The following TEX15 variants were observed in gnomAD, a reference collection of about 807,000 sequenced individuals.
TEX15 encodes the protein testis expressed 15, meiosis and synapsis associated, also known as testis-expressed protein 15.
TEX15 carries 171 observed loss-of-function variants against 237.3 expected under a neutral mutation model. That is an observed-to-expected ratio of 0.72 (90% CI 0.64 to 0.82). TEX15 has a LOEUF of 0.82. Among genes scored for constraint, TEX15 ranks in the 40% least tolerant of loss-of-function variants. The probability of loss-of-function intolerance (pLI) is 0.00; values close to 1 mark genes in which losing one functional copy is unlikely to be tolerated. For missense variants in TEX15, 3,750 were observed against 3,646.5 expected (o/e 1.03, Z -0.73); for synonymous variants, 1,338 against 1,269.8 (o/e 1.05, Z -1.14).
At chr8:30,890,398 A>G (rs909478174) in intron 2 of TEX15, 1 of 152,224 alleles carries the variant, frequency 6.6e-6, no homozygotes, top group African/African-American at 2.4e-5. Flanking sequence ...GAAATTCAAT[A>G]AAAGTAAAAA....
intron 3 of TEX15, among the ~76,000 whole-genome samples, chr8:30,882,286 AATTT>A (rs137981754): frequency 0.018 from 2,732 of 151,958 alleles, 94 homozygotes; most frequent in African/African-American, 0.063. Context: ...GTATGATTTC[AATTT>A]ATTTATTTAT....
In TEX15 at chr8:30,846,749, T is replaced by A; in HGVS notation, c.3418A>T (p.Thr1140Ser). The change falls in exon 8 of 11, where the codon ACA becomes TCA. Residue 1140 changes from threonine to serine, a missense_variant. By Grantham distance (58) the Thr-to-Ser change is moderately conservative. Coordinates refer to ENST00000643185, the MANE Select transcript of TEX15 (RefSeq NM_001350162.2). Reference protein sequence around the residue: ...SKESNYFYSSTQNNETELTSP... With the variant: ...SKESNYFYSSSQNNETELTSP... Reference sequence around the variant, plus strand: ...GTAAGTTCTGTTTCATTGTTTTGTGTAGAGGAATAAAAATAGTTACTTTCC... The same window carrying A: ...GTAAGTTCTGTTTCATTGTTTTGTGAAGAGGAATAAAAATAGTTACTTTCC... 1 of 1,613,874 alleles carries A rather than the reference T, an allele frequency of 6.2e-7. No homozygotes were observed. Among genetic ancestry groups the A allele is most frequent in the Non-Finnish European group, 8.5e-7 (1 of 1,179,808 alleles).
In TEX15 at chr8:30,844,786, T is replaced by C. The variant is rs1181797122; in HGVS notation, c.5381A>G (p.Asp1794Gly). Residue 1794 changes from aspartate to glycine, a missense_variant, in exon 8 of 11, where the codon GAT (aspartate) becomes GGT (glycine). Asp to Gly is a moderately conservative substitution (Grantham distance 94, BLOSUM62 -1). Coordinates refer to ENST00000643185, the MANE Select transcript of TEX15 (RefSeq NM_001350162.2). Reference protein sequence around the residue: ...ETNVTENYELDVASGTEEDKS... With the variant: ...ETNVTENYELGVASGTEEDKS... Reference sequence around the variant, plus strand: ...ATCTTCTTCAGTTCCTGATGCTACATCCAACTCATAATTCTCAGTGACATT... The same window carrying C: ...ATCTTCTTCAGTTCCTGATGCTACACCCAACTCATAATTCTCAGTGACATT... The C allele has an allele frequency of 1.2e-6, 2 of 1,613,392 alleles. No homozygotes were observed. Among genetic ancestry groups the C allele is most frequent in the Non-Finnish European group, 1.7e-6 (2 of 1,179,604 alleles).
intron 2 of TEX15, among the ~76,000 whole-genome samples, chr8:30,894,664 G>T (rs1366319689): frequency 6.6e-6 from 1 of 152,188 alleles, no homozygotes; most frequent in Non-Finnish European, 1.5e-5. Flanking sequence ...ATGTGCAAAA[G>T]AATGAAGTTG....
rs181228171 is a variant in TEX15 at position 30,846,380 on chromosome 8, T to C, written c.3787A>G (p.Thr1263Ala). The change falls in exon 8 of 11, where the codon ACT becomes GCT. Residue 1263 changes from threonine to alanine, a missense_variant. Transcript: ENST00000643185. Reference protein sequence around the residue: ...SENQNSESLFTEPSNVTTIDD... With the variant: ...SENQNSESLFAEPSNVTTIDD... ...ATTGTTGTGACATTAGAAGGTTCAGTAAACAAAGATTCACTGTTCTGATTT... is the reference window on the plus strand; with the variant it reads ...ATTGTTGTGACATTAGAAGGTTCAGCAAACAAAGATTCACTGTTCTGATTT... 1.2e-6 allele frequency: 2 copies of C among 1,613,382 alleles called. No homozygotes were observed. The highest frequency in any genetic ancestry group is 2.2e-5 in the East Asian group (1 of 44,864).
chr8:30,846,166 T>C lies in TEX15; in HGVS notation c.4001A>G (p.Asp1334Gly), dbSNP rs1159035987. 5.0e-6 allele frequency: 8 copies of C among 1,613,400 alleles called. No homozygotes were observed. Among genetic ancestry groups the C allele is most frequent in the Non-Finnish European group, 5.9e-6 (7 of 1,179,610 alleles). The part of the protein sequence containing the change: ...YGRKRRLTSQ[D>G]SSECFSSLSQ... ...TAATGAAGAGAAACACTCAGATGAGTCTTGACTGGTTAGCCTCCTCTTTCT... is the reference window on the plus strand; with the variant it reads ...TAATGAAGAGAAACACTCAGATGAGCCTTGACTGGTTAGCCTCCTCTTTCT... Residue 1334 changes from aspartate (D) to glycine (G), a missense_variant, in exon 8 of 11, where the codon GAC becomes GGC. Transcript: ENST00000643185.
Position 30,837,424 on chromosome 8 carries a change from G to C in TEX15, c.8860C>G (p.Leu2954Val), listed in dbSNP as rs115952045. 5.9e-4 allele frequency: 945 copies of C among 1,614,162 alleles called. 11 individuals are homozygous for C. The African/African-American group carries it at 0.011, about 19-fold the overall frequency. Residue 2954 changes from leucine to valine, a missense_variant, in exon 10 of 11, where the codon CTA becomes GTA. Coordinates refer to ENST00000643185, the MANE Select transcript of TEX15 (RefSeq NM_001350162.2). ...TCTGACTCAGTTTCTGTAGGCTGTAGTTTGTTTATCTGCAGAGTAGGAATT... is the reference window on the plus strand; with the variant it reads ...TCTGACTCAGTTTCTGTAGGCTGTACTTTGTTTATCTGCAGAGTAGGAATT... ...NKIPTLQINKLQPTETESEDK... is the reference protein window; with the variant it reads ...NKIPTLQINKVQPTETESEDK...
intron 1 of TEX15, among the ~76,000 whole-genome samples, chr8:30,906,610 A>AG (rs1295495460): frequency 4.6e-5 from 7 of 151,450 alleles, no homozygotes; most frequent in Non-Finnish European, 7.4e-5. Flanking sequence ...AAAAAAAAAA[A>AG]AGAGAGAGAG....
At chr8:30,885,100 T>C (rs112711375) in intron 3 of TEX15, among the ~76,000 whole-genome samples, 1,972 of 152,288 alleles carry the variant, frequency 0.013, 46 homozygotes, top group African/African-American at 0.045. Context: ...GTGTGCTGTT[T>C]AATCTCAAAG....
chr8:30,852,100 C>CTT (rs910989172), intron 7 of TEX15, among the ~76,000 whole-genome samples: 8,050 of 90,308 alleles, frequency 0.089, 2,698 homozygotes, highest in African/African-American at 0.34. Flanking sequence ...TTAATTTAAT[C>CTT]TTTTTTTTTT....
At chr8:30,895,806 A>G (rs1808894257) in intron 2 of TEX15, among the ~76,000 whole-genome samples, 1 of 147,034 alleles carries the variant, frequency 6.8e-6, no homozygotes, top group Non-Finnish European at 1.5e-5. Context: ...TCAGCCTCCC[A>G]AGTAGCTGGG....
intron 3 of TEX15, among the ~76,000 whole-genome samples, chr8:30,875,511 A>G (rs1207064351): frequency 6.6e-6 from 1 of 152,240 alleles, no homozygotes; most frequent in Non-Finnish European, 1.5e-5. Flanking sequence ...TTTGATTTGC[A>G]AAAGTACAAG....
intron 3 of TEX15, among the ~76,000 whole-genome samples, chr8:30,878,719 C>A (rs1808456400): frequency 6.6e-6 from 1 of 152,070 alleles, no homozygotes; most frequent in Non-Finnish European, 1.5e-5. Flanking sequence ...AAGATTGGGT[C>A]TTGCTATGTT....
intron 3 of TEX15, among the ~76,000 whole-genome samples, chr8:30,879,322 T>A (rs1010340745): frequency 1.6e-4 from 25 of 152,206 alleles, no homozygotes; most frequent in African/African-American, 6.0e-4. Flanking sequence ...ATAGATTGTG[T>A]TTTTGGTATC....
Position 30,835,303 on chromosome 8 carries a change from G to A in TEX15, c.9481+1500C>T, listed in dbSNP as rs570486279. ...TATTTTTAGTAGATACCAGGGTTTC[G>A]CCATGTTTTGCCTCAAGTGAGCTGC... On this transcript the variant is annotated intron_variant, in intron 10 of 10. Transcript: ENST00000643185. 3.0e-3 allele frequency among the ~76,000 whole-genome samples: 458 copies of A among 151,958 alleles called. 4 individuals carry two copies. The highest frequency in any genetic ancestry group is 0.01 in the Middle Eastern group (3 of 294).
intron 7 of TEX15, among the ~76,000 whole-genome samples, chr8:30,851,166 G>C (rs1807776157): frequency 6.6e-6 from 1 of 152,006 alleles, no homozygotes; most frequent in African/African-American, 2.4e-5. Context: ...CTATGGACAA[G>C]GATCTTCAGT....
chr8:30,844,763 C>A lies in TEX15; in HGVS notation c.5404G>T (p.Asp1802Tyr), dbSNP rs766748765. 1 of 1,613,434 alleles carries A rather than the reference C, an allele frequency of 6.2e-7. No homozygotes were observed. Among genetic ancestry groups the A allele is most frequent in the Admixed American group, 1.7e-5 (1 of 59,998 alleles). ...ELDVASGTEEDKSYGENIVEL... is the reference protein window; with the variant it reads ...ELDVASGTEEYKSYGENIVEL... ...ACTATATTTTCCCCATAACTTTTAT[C>A]TTCTTCAGTTCCTGATGCTACATCC... Residue 1802 changes from aspartate to tyrosine, a missense_variant, in exon 8 of 11, where the codon GAT becomes TAT. Coordinates refer to ENST00000643185, the MANE Select transcript of TEX15 (RefSeq NM_001350162.2).
chr8:30,907,720 AT>A (rs1366966644), intron 1 of TEX15, among the ~76,000 whole-genome samples: 141 of 143,156 alleles, frequency 9.8e-4, no homozygotes, highest in African/African-American at 3.2e-3. Context: ...TAGATATAAA[AT>A]TTATATATAA....
intron 4 of TEX15, among the ~76,000 whole-genome samples, chr8:30,872,763 A>G (rs1230855156): frequency 6.6e-6 from 1 of 152,144 alleles, no homozygotes; most frequent in Non-Finnish European, 1.5e-5. Flanking sequence ...AAAAAACAAA[A>G]AACAGAAAAA....
Sources: gnomAD v4.1 joint callset for allele counts (sites outside exome capture counted in the v4.1 genomes callset) on GRCh38, gnomAD v4.1.1 for gene constraint, MANE v1.5 for transcripts, NCBI Gene and HGNC (gene_info 2026-07-23, HGNC 2026-07-21) for gene names.